Variants in SH3BGRL observed in about 807,000 individuals in gnomAD.
SH3BGRL encodes the protein SH3 domain binding glutamate rich protein like, also known as adapter SH3BGRL.
SH3BGRL carries 7 observed loss-of-function variants against 9.8 expected under a neutral mutation model. The ratio of observed to expected loss-of-function variants is 0.72; its 90% confidence interval spans 0.41 to 1.35. The LOEUF is 1.35. Ranked by LOEUF, SH3BGRL falls within the 40% of genes most tolerant of loss-of-function variation. SH3BGRL has a pLI of 0.01. For synonymous variants in SH3BGRL, 36 were observed against 29.1 expected (o/e 1.24, Z -0.76); for missense variants, 73 against 84.4 (o/e 0.86, Z 0.53).
intron 1 of SH3BGRL, among the ~76,000 whole-genome samples, chrX:81,205,504 G>GTATCTA (rs2075544521): frequency 1.2e-5 from 1 of 85,154 alleles, no homozygotes; most frequent in African/African-American, 4.6e-5. Flanking sequence ...GTGTGTGTGT[G>GTATCTA]TATATATATA....
At chrX:81,242,379 A>G (rs1298820036) in intron 1 of SH3BGRL, among the ~76,000 whole-genome samples, 1 of 112,074 alleles carries the variant, frequency 8.9e-6, no homozygotes, top group Non-Finnish European at 1.9e-5. Flanking sequence ...GAATGAAAGT[A>G]GACCCCTATC....
chrX:81,289,584 A>G (rs1357912172), intron 3 of SH3BGRL, among the ~76,000 whole-genome samples: 2 of 111,415 alleles, frequency 1.8e-5, no homozygotes, highest in African/African-American at 6.5e-5. Context: ...GGGGCCATGC[A>G]TGGTGGCTTA....
chrX:81,257,937 A>T (rs1298494972), intron 1 of SH3BGRL, among the ~76,000 whole-genome samples: 2 of 111,063 alleles, frequency 1.8e-5, no homozygotes, highest in Non-Finnish European at 3.8e-5. Context: ...ACACTATTAG[A>T]AAAGTTTAGG....
intron 1 of SH3BGRL, among the ~76,000 whole-genome samples, chrX:81,264,344 ATT>A (rs1312740271): frequency 9.0e-6 from 1 of 111,509 alleles, no homozygotes; most frequent in East Asian, 2.8e-4. Flanking sequence ...TTTAAAGACC[ATT>A]AATAGCTCTG....
At chrX:81,284,253 A>G (rs2075827248) in intron 3 of SH3BGRL, among the ~76,000 whole-genome samples, 1 of 111,286 alleles carries the variant, frequency 9.0e-6, no homozygotes, top group African/African-American at 3.3e-5. Flanking sequence ...AGCAATCTAC[A>G]AATTCAATGC....
At chrX:81,288,799 G>A (rs750514423) in intron 3 of SH3BGRL, among the ~76,000 whole-genome samples, 1 of 111,403 alleles carries the variant, frequency 9.0e-6, no homozygotes, top group Non-Finnish European at 1.9e-5. Flanking sequence ...ATAAAAAATT[G>A]AAAAAATATT....
intron 1 of SH3BGRL, among the ~76,000 whole-genome samples, chrX:81,235,624 T>C (rs1225309643): frequency 9.0e-6 from 1 of 111,683 alleles, no homozygotes; most frequent in Non-Finnish European, 1.9e-5. Context: ...TTCTGAAGTA[T>C]ATTTTCAGTC....
intron 1 of SH3BGRL, among the ~76,000 whole-genome samples, chrX:81,208,159 G>A (rs2075553048): frequency 9.0e-6 from 1 of 111,026 alleles, no homozygotes; most frequent in Non-Finnish European, 1.9e-5. Flanking sequence ...CTACTTGGGA[G>A]GCTGAGGCAG....
chrX:81,298,138 A>T lies in SH3BGRL; in HGVS notation c.*911A>T, dbSNP rs1294220425. On this transcript the variant is annotated 3_prime_UTR_variant, in exon 4 of 4. Coordinates refer to ENST00000373212, the MANE Select transcript of SH3BGRL (RefSeq NM_003022.3). Reference sequence around the variant, plus strand: ...TTTTGCCCGTTTAAAACAACTCACAATCGTAAATGCTACTATTCCTAAGAT... The same window carrying T: ...TTTTGCCCGTTTAAAACAACTCACATTCGTAAATGCTACTATTCCTAAGAT... The T allele has an allele frequency of 8.9e-6, 1 of 111,835 alleles. No individual in the cohort carries two copies. The highest frequency in any genetic ancestry group is 2.8e-4 in the East Asian group (1 of 3,590). The allele number at this position is 111,835 out of a possible 1,213,427, so 9.2% of individuals were successfully genotyped here.
At chrX:81,241,333 G>T (rs769104772) in intron 1 of SH3BGRL, among the ~76,000 whole-genome samples, 69 of 112,285 alleles carry the variant, frequency 6.1e-4, no homozygotes, top group African/African-American at 2.2e-3. Context: ...ACAGTCTCCG[G>T]GGTGGAAAGG....
At chrX:81,257,110 A>T (rs754674299) in intron 1 of SH3BGRL, among the ~76,000 whole-genome samples, 8 of 111,863 alleles carry the variant, frequency 7.2e-5, no homozygotes, top group Non-Finnish European at 1.3e-4. Context: ...CAGGCACTAG[A>T]TAACATGATC....
intron 1 of SH3BGRL, among the ~76,000 whole-genome samples, chrX:81,264,818 C>T (rs748946702): frequency 9.1e-6 from 1 of 109,503 alleles, no homozygotes; most frequent in South Asian, 4.2e-4. Flanking sequence ...TCTCAGTGCT[C>T]CTTATTTCAC....
chrX:81,242,628 G>T (rs946844084), intron 1 of SH3BGRL, among the ~76,000 whole-genome samples: 3 of 111,577 alleles, frequency 2.7e-5, no homozygotes, highest in Non-Finnish European at 5.6e-5. Flanking sequence ...ACAAAGTGAA[G>T]AGACAGCCCA....
intron 1 of SH3BGRL, among the ~76,000 whole-genome samples, chrX:81,205,532 C>A (rs1200074035): frequency 3.4e-5 from 3 of 87,224 alleles, no homozygotes; most frequent in African/African-American, 9.7e-5. Context: ...ATATATATAT[C>A]ACATTTCCTT....
intron 3 of SH3BGRL, among the ~76,000 whole-genome samples, chrX:81,280,423 C>T (rs1438808431): frequency 9.0e-6 from 1 of 111,667 alleles, no homozygotes; most frequent in African/African-American, 3.3e-5. Context: ...TCCATTGCAC[C>T]CTCCACCTCC....
At chrX:81,219,593 A>G (rs1602596404) in intron 1 of SH3BGRL, among the ~76,000 whole-genome samples, 1 of 111,752 alleles carries the variant, frequency 8.9e-6, no homozygotes, top group East Asian at 2.8e-4. Flanking sequence ...TCTTTATTTC[A>G]AATTGGGATG....
intron 3 of SH3BGRL, among the ~76,000 whole-genome samples, chrX:81,293,547 G>T (rs2075864809): frequency 8.9e-6 from 1 of 111,901 alleles, no homozygotes; most frequent in Non-Finnish European, 1.9e-5. Context: ...GCTGGGCATG[G>T]TGGCATGTGC....
At chrX:81,286,362 A>G (rs1384498303) in intron 3 of SH3BGRL, among the ~76,000 whole-genome samples, 1 of 109,859 alleles carries the variant, frequency 9.1e-6, no homozygotes. Flanking sequence ...TGCTCCAGGG[A>G]GGAGCTCCGG....
Position 81,298,479 on chromosome X carries a change from G to A in SH3BGRL, c.*1252G>A, listed in dbSNP as rs2075883135. ...CAAAATCAACATATAATGAAGAGATGCCTTTGTTTCATGAGATTCAAACTT... is the reference window on the plus strand; with the variant it reads ...CAAAATCAACATATAATGAAGAGATACCTTTGTTTCATGAGATTCAAACTT... On this transcript the variant is annotated 3_prime_UTR_variant, in exon 4 of 4. Transcript: ENST00000373212. The A allele has an allele frequency of 1.8e-5, 2 of 111,338 alleles. No individual in the cohort carries two copies. The highest frequency in any genetic ancestry group is 1.9e-4 in the Admixed American group (2 of 10,446). 9.2% of individuals were successfully genotyped at this position (111,338 alleles called of 1,213,427 possible). A position where few individuals can be genotyped will look rare whatever the true frequency, so the allele number is the denominator to read the frequency against.
Sources: gnomAD v4.1 joint callset for allele counts (sites outside exome capture counted in the v4.1 genomes callset) on GRCh38, gnomAD v4.1.1 for gene constraint, MANE v1.5 for transcripts, NCBI Gene and HGNC (gene_info 2026-07-23, HGNC 2026-07-21) for gene names.